CR2: variants seen among roughly 807,000 people sequenced by gnomAD.
The protein encoded by CR2 is complement C3d receptor 2, also known as complement receptor type 2.
Under a neutral mutation model 123.0 loss-of-function variants are expected in CR2, and 96 were observed. The observed-to-expected ratio is 0.78, with a 90% CI of 0.66 to 0.93. CR2 has a LOEUF of 0.93. CR2 is among the 40% of genes least tolerant of loss of function. The pLI, the probability that CR2 is intolerant of heterozygous loss-of-function variation, is 0.00. For synonymous variants in CR2, 484 were observed against 469.5 expected (o/e 1.03, Z -0.40); for missense variants, 1,258 against 1,361.0 (o/e 0.92, Z 1.19).
At chr1:207,483,925 T>C (rs941955836) in intron 18 of CR2, among the ~76,000 whole-genome samples, 7 of 151,900 alleles carry the variant, frequency 4.6e-5, no homozygotes, top group African/African-American at 1.7e-4. Flanking sequence ...AGAACAGTAA[T>C]GTTCAAAAGG....
chr1:207,483,203 A>T (rs1429875833), intron 18 of CR2, among the ~76,000 whole-genome samples: 1 of 152,122 alleles, frequency 6.6e-6, no homozygotes, highest in African/African-American at 2.4e-5. Context: ...ATGTCACCAA[A>T]AAGCTCCAGC....
chr1:207,480,102 C>T (rs771002483), intron 18 of CR2, 49 bp downstream of exon 18: 25 of 1,362,702 alleles, frequency 1.8e-5, no homozygotes, highest in East Asian at 6.9e-5. Flanking sequence ...CAAGTGGTTT[C>T]GGCTTCTTGT....
chr1:207,477,399 T>G (rs1658472013), intron 15 of CR2, among the ~76,000 whole-genome samples: 1 of 152,042 alleles, frequency 6.6e-6, no homozygotes, highest in Non-Finnish European at 1.5e-5. Context: ...CCATGGCGCA[T>G]GGGGATTATG....
At chr1:207,465,764 A>G (rs1658082267) in intron 1 of CR2, among the ~76,000 whole-genome samples, 1 of 152,230 alleles carries the variant, frequency 6.6e-6, no homozygotes, top group African/African-American at 2.4e-5. Context: ...GTAAATGTAA[A>G]CAATATCCTT....
At chr1:207,456,030 T>C (rs1657825786) in intron 1 of CR2, among the ~76,000 whole-genome samples, 2 of 152,224 alleles carry the variant, frequency 1.3e-5, no homozygotes, top group African/African-American at 4.8e-5. Context: ...GAGTGACCTA[T>C]AGGTCACTTT....
In CR2 at chr1:207,474,868, A is replaced by G; in HGVS notation, c.2368A>G (p.Thr790Ala). ...PPPVIVNGKH[T>A]GMMAENFLYG... Reference sequence around the variant, plus strand: ...ACCAGTGATTGTCAATGGGAAGCACACAGGCATGATGGCAGAAAACTTTCT... The same window carrying G: ...ACCAGTGATTGTCAATGGGAAGCACGCAGGCATGATGGCAGAAAACTTTCT... The change falls in exon 14 of 20, where the codon ACA becomes GCA. Residue 790 changes from threonine to alanine, a missense_variant. Coordinates refer to ENST00000367057, the MANE Select transcript of CR2 (RefSeq NM_001006658.3). 6.2e-7 allele frequency: 1 copy of G among 1,614,074 alleles called. No homozygotes were observed.
In CR2 at chr1:207,469,182, G is replaced by T. The variant is rs759180891; in HGVS notation, c.767G>T (p.Cys256Phe). The T allele has an allele frequency of 6.2e-7, 1 of 1,613,964 alleles. No homozygotes were observed. The highest frequency in any genetic ancestry group is 8.5e-7 in the Non-Finnish European group (1 of 1,179,856). ...CTGCAAGGCCCACCTTCTAGTCGGT[G>T]TGTAATTGCTGGACAGGGAGTTGCT... Reference protein sequence around the residue: ...YRLQGPPSSRCVIAGQGVAWT... With the variant: ...YRLQGPPSSRFVIAGQGVAWT... The change falls in exon 5 of 20, where the codon TGT becomes TTT. Residue 256 changes from cysteine (C) to phenylalanine (F), a missense_variant. Coordinates refer to ENST00000367057, the MANE Select transcript of CR2 (RefSeq NM_001006658.3).
intron 18 of CR2, among the ~76,000 whole-genome samples, chr1:207,484,599 C>T (rs984244417): frequency 6.6e-5 from 10 of 152,206 alleles, no homozygotes; most frequent in Non-Finnish European, 1.0e-4. Context: ...CTCCTGTACA[C>T]GGAACTCTTC....
rs919667967 is a variant in CR2 at position 207,474,413 on chromosome 1, G to C, written c.2323+90G>C. 20 of 937,408 alleles carry C rather than the reference G, an allele frequency of 2.1e-5. No homozygotes were observed. The African/African-American group carries it at 2.9e-4, about 14-fold the overall frequency. 58.1% of individuals were successfully genotyped at this position (937,408 alleles called of 1,614,324 possible). A position where few individuals can be genotyped will look rare whatever the true frequency, so the allele number is the denominator to read the frequency against. The stretch of plus-strand genomic sequence containing the variant: ...GAATTAGTCTACTGCTGCTTCAGCA[G>C]TCTTAGGCGTCTCCCTCATTGGAGG... On this transcript the variant is annotated intron_variant, in intron 13 of 19. Coordinates refer to ENST00000367057, the MANE Select transcript of CR2 (RefSeq NM_001006658.3).
chr1:207,471,076 T>G lies in CR2; in HGVS notation c.1482T>G (p.Ser494=). 1 of 1,613,634 alleles carries G rather than the reference T, an allele frequency of 6.2e-7. No individual in the cohort carries two copies. Among genetic ancestry groups the G allele is most frequent in the Non-Finnish European group, 8.5e-7 (1 of 1,179,806 alleles). The change falls in exon 8 of 20, where the codon TCT becomes TCG. Residue 494 remains serine, a synonymous_variant. Coordinates refer to ENST00000367057, the MANE Select transcript of CR2 (RefSeq NM_001006658.3). ...TTGTTAGACCAGATGTCAACTCTTC[T>G]TGTGGTGAAGGGTGAGTGAAGGCTG... The part of the protein sequence containing the change: ...HQFVRPDVNS[S]CGEGYKLSGS...
At chr1:207,467,370 A>G (rs1193602387) in intron 2 of CR2, among the ~76,000 whole-genome samples, 2 of 152,136 alleles carry the variant, frequency 1.3e-5, no homozygotes, top group Non-Finnish European at 2.9e-5. Flanking sequence ...GTCTCTGTAA[A>G]CATGTTTTGA....
rs903091303 is a variant in CR2, at chr1:207,466,910, G to C, written c.443G>C (p.Ser148Thr). The C allele has an allele frequency of 3.2e-6, 5 of 1,585,200 alleles. No individual in the cohort carries two copies. Among genetic ancestry groups the C allele is most frequent in the Non-Finnish European group, 4.3e-6 (5 of 1,168,018 alleles). The change falls in exon 2 of 20, where the codon AGT (serine) becomes ACT (threonine). Residue 148 changes from serine to threonine, a missense_variant and splice_region_variant. By Grantham distance (58) the Ser-to-Thr change is moderately conservative. Coordinates refer to ENST00000367057, the MANE Select transcript of CR2 (RefSeq NM_001006658.3). ...WGPTRLPTCV[S>T]VFPLECPALP... Reference sequence around the variant, plus strand: ...CCGACACGACTACCAACCTGTGTAAGTGGTGAGTATGAAAAGAAAGCTGGG... The same window carrying C: ...CCGACACGACTACCAACCTGTGTAACTGGTGAGTATGAAAAGAAAGCTGGG...
intron 1 of CR2, among the ~76,000 whole-genome samples, chr1:207,465,601 A>T (rs1301644375): frequency 1.3e-5 from 2 of 152,182 alleles, no homozygotes; most frequent in East Asian, 1.9e-4. Flanking sequence ...CAAGTATAGC[A>T]CTGATGTGAT....
In CR2 at chr1:207,473,831, A is replaced by G. The variant is rs761296681; in HGVS notation, c.2186A>G (p.Gln729Arg). The change falls in exon 12 of 20, where the codon CAA becomes CGA. Residue 729 changes from glutamine (Q) to arginine (R), a missense_variant. Coordinates refer to ENST00000367057, the MANE Select transcript of CR2 (RefSeq NM_001006658.3). ...TGCCAGCATGTGAGACAGAGTCTTCAAGAACTTCCAGCTGGTTCACGTGTG... is the reference window on the plus strand; with the variant it reads ...TGCCAGCATGTGAGACAGAGTCTTCGAGAACTTCCAGCTGGTTCACGTGTG... Reference protein sequence around the residue: ...ETCQHVRQSLQELPAGSRVEL... With the variant: ...ETCQHVRQSLRELPAGSRVEL... The G allele has an allele frequency of 1.9e-6, 3 of 1,614,004 alleles. No homozygotes were observed. The highest frequency in any genetic ancestry group is 1.7e-6 in the Non-Finnish European group (2 of 1,179,894).
At chr1:207,467,995 G>A (rs1480194320) in intron 2 of CR2, among the ~76,000 whole-genome samples, 1 of 152,116 alleles carries the variant, frequency 6.6e-6, no homozygotes, top group Non-Finnish European at 1.5e-5. Flanking sequence ...TAAGGATAGG[G>A]TGAGAATATA....
chr1:207,488,764 A>G (rs1451133993), intron 19 of CR2, among the ~76,000 whole-genome samples: 2 of 152,222 alleles, frequency 1.3e-5, no homozygotes, highest in African/African-American at 4.8e-5. Context: ...GTTGAGGAAG[A>G]AAAGGTAACC....
chr1:207,458,963 C>A (rs1657903848), intron 1 of CR2, among the ~76,000 whole-genome samples: 1 of 150,440 alleles, frequency 6.6e-6, no homozygotes, highest in Non-Finnish European at 1.5e-5. Flanking sequence ...AGGGAAAGAC[C>A]CTAAAAAAAA....
intron 1 of CR2, among the ~76,000 whole-genome samples, chr1:207,464,884 G>T (rs1299015573): frequency 6.6e-6 from 1 of 152,098 alleles, no homozygotes; most frequent in East Asian, 1.9e-4. Flanking sequence ...ATATGTGGTT[G>T]AGTTTTCTAG....
At chr1:207,484,198 A>G (rs969119060) in intron 18 of CR2, among the ~76,000 whole-genome samples, 4 of 152,222 alleles carry the variant, frequency 2.6e-5, no homozygotes, top group African/African-American at 7.2e-5. Context: ...GAATGCTTAC[A>G]AGTGCAAATA....
Sources: allele counts gnomAD v4.1 joint callset (sites outside exome capture counted in the v4.1 genomes callset), GRCh38; gene constraint gnomAD v4.1.1; transcripts MANE v1.5; gene names NCBI Gene and HGNC (gene_info 2026-07-23, HGNC 2026-07-21).